The following MEIS2 variants were observed in gnomAD, a reference collection of about 807,000 sequenced individuals.
The protein encoded by MEIS2 is Meis homeobox 2, also known as homeobox protein Meis2.
A neutral mutation model predicts 58.6 loss-of-function variants in MEIS2; 9 were observed. That is an observed-to-expected ratio of 0.15 (90% CI 0.09 to 0.27). The LOEUF (loss-of-function observed/expected upper bound fraction) is 0.27, where lower values mean the gene tolerates loss of function less well. MEIS2 is among the 10% of genes least tolerant of loss of function. MEIS2 has a pLI of 1.00. For missense variants in MEIS2, 427 were observed against 635.0 expected (o/e 0.67, Z 3.52); for synonymous variants, 221 against 228.4 (o/e 0.97, Z 0.29).
intron 1 of MEIS2, chr15:37,098,418 GA>G (rs1468758301): frequency 3.6e-5 from 41 of 1,136,574 alleles, no homozygotes; most frequent in Middle Eastern, 6.7e-4. Context: ...GAGAGAGAGA[GA>G]GAGAGAAAAT....
chr15:37,057,281 G>A (rs1888562404), intron 7 of MEIS2, among the ~76,000 whole-genome samples: 1 of 152,210 alleles, frequency 6.6e-6, no homozygotes, highest in Non-Finnish European at 1.5e-5. Flanking sequence ...AGTTGCTCGG[G>A]AGAGTCAATG....
intron 7 of MEIS2, among the ~76,000 whole-genome samples, chr15:37,062,072 G>A (rs1369270138): frequency 2.0e-5 from 3 of 152,118 alleles, no homozygotes; most frequent in African/African-American, 4.8e-5. Context: ...AGGTTTTCAC[G>A]CTGCCTGAGG....
chr15:37,094,453 T>C, intron 5 of MEIS2, 74 bp downstream of exon 5: 1 of 1,459,148 alleles, frequency 6.9e-7, no homozygotes, highest in Non-Finnish European at 9.5e-7. Context: ...ACTAGAGGTT[T>C]GTTAAAAACA....
chr15:36,941,649 A>G (rs1051409616), intron 9 of MEIS2, among the ~76,000 whole-genome samples: 9 of 152,218 alleles, frequency 5.9e-5, no homozygotes, highest in African/African-American at 2.2e-4. Flanking sequence ...AAATTACCAA[A>G]ATGTCAATAC....
chr15:36,950,282 T>C, intron 9 of MEIS2, 42 bp downstream of exon 9: 1 of 1,484,540 alleles, frequency 6.7e-7, no homozygotes, highest in Admixed American at 1.9e-5. Context: ...AGAAATCTCA[T>C]TTTAGCCATG....
Position 37,024,580 on chromosome 15 carries a change from C to T in MEIS2, c.900+12234G>A, listed in dbSNP as rs530190338. Among the ~76,000 whole-genome samples the T allele has an allele frequency of 1.8e-4, 27 of 152,268 alleles. No homozygotes were observed. In the South Asian group the frequency reaches 4.1e-3, roughly 23 times the overall value. On this transcript the variant is annotated intron_variant, in intron 8 of 11. Coordinates refer to ENST00000561208, the MANE Select transcript of MEIS2 (RefSeq NM_170675.5). ...TTCTCCCATTCATATTCTGTGCTTT[C>T]GTCTAACTGAGCTGTAACATCTGAA...
chr15:37,073,531 A>G (rs369275384), intron 7 of MEIS2, among the ~76,000 whole-genome samples: 2 of 152,152 alleles, frequency 1.3e-5, no homozygotes, highest in African/African-American at 4.8e-5. Context: ...AACAGCCTAC[A>G]CTAAGAAGAG....
At chr15:36,981,577 C>T (rs988048110) in intron 8 of MEIS2, among the ~76,000 whole-genome samples, 4 of 151,578 alleles carry the variant, frequency 2.6e-5, no homozygotes, top group African/African-American at 7.3e-5. Flanking sequence ...TGTGAGTGGG[C>T]GTGTGTGTGT....
chr15:37,097,748 G>C (rs549784616), intron 2 of MEIS2, among the ~76,000 whole-genome samples: 172 of 152,218 alleles, frequency 1.1e-3, no homozygotes, highest in African/African-American at 4.0e-3. Context: ...GTCTGGAGTG[G>C]TCGGGCTGTG....
In MEIS2 at chr15:36,969,560, T is replaced by C. The variant is rs562562636; in HGVS notation, c.901-19160A>G. Among the ~76,000 whole-genome samples the C allele has an allele frequency of 2.6e-5, 4 of 152,340 alleles. No individual in the cohort carries two copies. The East Asian group carries it at 5.8e-4, about 22-fold the overall frequency. The stretch of plus-strand genomic sequence containing the variant: ...ATATGAGAACAAACTTATACATACA[T>C]AGGAAAATTTGAAATAAATAATATT... On this transcript the variant is annotated intron_variant, in intron 8 of 11. Coordinates refer to ENST00000561208, the MANE Select transcript of MEIS2 (RefSeq NM_170675.5).
intron 8 of MEIS2, among the ~76,000 whole-genome samples, chr15:37,016,001 CT>C (rs2061338647): frequency 6.6e-6 from 1 of 152,124 alleles, no homozygotes; most frequent in Non-Finnish European, 1.5e-5. Context: ...GCCAGTCCTC[CT>C]TTCCCCCTTC....
At chr15:36,898,716 C>G (rs1032949113) in intron 9 of MEIS2, 21 of 152,274 alleles carry the variant, frequency 1.4e-4, no homozygotes, top group African/African-American at 5.1e-4. Flanking sequence ...TGTCTTCAAA[C>G]AAATACTTAC....
intron 8 of MEIS2, among the ~76,000 whole-genome samples, chr15:36,990,642 T>C (rs1004513409): frequency 1.7e-3 from 10 of 5,890 alleles, no homozygotes; most frequent in African/African-American, 3.9e-3. Flanking sequence ...GTGGGCTTTC[T>C]TTTTTTTTTA....
chr15:37,039,422 T>G (rs34471822), intron 7 of MEIS2, among the ~76,000 whole-genome samples: 17,566 of 152,244 alleles, frequency 0.12, 1,401 homozygotes, highest in Non-Finnish European at 0.17. Flanking sequence ...TTAGCTTTTT[T>G]TGATAGATTT....
chr15:37,023,132 TCA>T (rs1567193865), intron 8 of MEIS2, among the ~76,000 whole-genome samples: 1 of 152,164 alleles, frequency 6.6e-6, no homozygotes, highest in African/African-American at 2.4e-5. Flanking sequence ...ATTTAATCTA[TCA>T]CAGTTTTTCT....
At chr15:36,975,526 C>T (rs2059715060) in intron 8 of MEIS2, among the ~76,000 whole-genome samples, 3 of 107,116 alleles carry the variant, frequency 2.8e-5, no homozygotes, top group African/African-American at 7.1e-5. Context: ...ATGTGCTAAG[C>T]GCTCCTCACA....
At chr15:36,922,200 C>T (rs1050857494) in intron 9 of MEIS2, among the ~76,000 whole-genome samples, 17 of 152,068 alleles carry the variant, frequency 1.1e-4, no homozygotes, top group Admixed American at 6.6e-4. Context: ...AGTCTGACCC[C>T]GAGGAGCTTT....
intron 7 of MEIS2, among the ~76,000 whole-genome samples, chr15:37,042,061 G>C (rs2062446579): frequency 6.6e-6 from 1 of 152,040 alleles, no homozygotes; most frequent in African/African-American, 2.4e-5. Flanking sequence ...TGAGGTGGGA[G>C]GATGGCTTGA....
chr15:37,018,702 A>T (rs1372186668), intron 8 of MEIS2, among the ~76,000 whole-genome samples: 1 of 152,230 alleles, frequency 6.6e-6, no homozygotes, highest in East Asian at 1.9e-4. Context: ...CAAATAAAAG[A>T]AAAAATTCCC....
Sources: allele counts gnomAD v4.1 joint callset (sites outside exome capture counted in the v4.1 genomes callset), GRCh38; gene constraint gnomAD v4.1.1; transcripts MANE v1.5; gene names NCBI Gene and HGNC (gene_info 2026-07-23, HGNC 2026-07-21).